RBMS3: variants seen among roughly 807,000 people sequenced by gnomAD.
RBMS3 encodes RNA binding motif single stranded interacting protein 3.
RBMS3 carries 27 observed loss-of-function variants against 66.8 expected under a neutral mutation model. That is an observed-to-expected ratio of 0.40 (90% CI 0.30 to 0.56). The LOEUF (loss-of-function observed/expected upper bound fraction) is 0.56. RBMS3 is among the 20% of genes least tolerant of loss of function. RBMS3 has a pLI of 0.40. For synonymous variants in RBMS3, 188 were observed against 183.0 expected (o/e 1.03, Z -0.22); for missense variants, 513 against 549.5 (o/e 0.93, Z 0.66).
At chr3:29,995,108 A>G (rs370346708) in intron 14 of RBMS3, among the ~76,000 whole-genome samples, 1 of 152,380 alleles carries the variant, frequency 6.6e-6, no homozygotes, top group African/African-American at 2.4e-5. Flanking sequence ...ACCAAGGCTC[A>G]AGAACTACGT....
chr3:29,374,421 C>T (rs751495053), intron 1 of RBMS3, among the ~76,000 whole-genome samples: 3 of 152,176 alleles, frequency 2.0e-5, no homozygotes, highest in Non-Finnish European at 4.4e-5. Flanking sequence ...GAAACTTACA[C>T]AGATAGTATG....
intron 4 of RBMS3, among the ~76,000 whole-genome samples, chr3:29,633,634 C>A (rs529874605): frequency 6.6e-6 from 1 of 151,728 alleles, no homozygotes; most frequent in East Asian, 2.0e-4. Context: ...CTGTTTCTAC[C>A]CTAAAAATGC....
chr3:29,668,840 A>G (rs1213388063), intron 4 of RBMS3, among the ~76,000 whole-genome samples: 1 of 152,256 alleles, frequency 6.6e-6, no homozygotes, highest in Non-Finnish European at 1.5e-5. Flanking sequence ...GTTTTGAAAG[A>G]AAATCTGAGG....
At chr3:29,905,789 A>G (rs1291213965) in intron 10 of RBMS3, among the ~76,000 whole-genome samples, 1 of 152,130 alleles carries the variant, frequency 6.6e-6, no homozygotes, top group Non-Finnish European at 1.5e-5. Flanking sequence ...ATATTTTAAG[A>G]AAGATCGTGA....
chr3:29,679,207 C>A (rs1576504781), intron 4 of RBMS3, among the ~76,000 whole-genome samples: 1 of 151,954 alleles, frequency 6.6e-6, no homozygotes, highest in East Asian at 1.9e-4. Context: ...GTTTGAAAAA[C>A]CACTGATATT....
chr3:29,951,467 TAGAGA>T (rs2149715746), intron 12 of RBMS3, among the ~76,000 whole-genome samples: 1 of 120,634 alleles, frequency 8.3e-6, no homozygotes. Flanking sequence ...TCCTTAAGAG[TAGAGA>T]GTATATAATC....
chr3:29,364,057 G>A (rs1355369954), intron 1 of RBMS3, among the ~76,000 whole-genome samples: 1 of 152,006 alleles, frequency 6.6e-6, no homozygotes, highest in Non-Finnish European at 1.5e-5. Flanking sequence ...CTTCTAGGAA[G>A]TGGAATGATA....
At chr3:29,539,770 A>G (rs1026294771) in intron 3 of RBMS3, among the ~76,000 whole-genome samples, 2 of 152,202 alleles carry the variant, frequency 1.3e-5, no homozygotes, top group African/African-American at 4.8e-5. Context: ...AGTACCCCAC[A>G]TGCACAAAGT....
chr3:29,415,221 A>C (rs1463416184), intron 1 of RBMS3, among the ~76,000 whole-genome samples: 2 of 152,200 alleles, frequency 1.3e-5, no homozygotes, highest in Non-Finnish European at 2.9e-5. Flanking sequence ...AAACAAGCAA[A>C]CTGTAGATAC....
Position 29,976,049 on chromosome 3 carries a change from A to G in RBMS3, c.1099-12094A>G, listed in dbSNP as rs144415875. On this transcript the variant is annotated intron_variant, in intron 12 of 14. Transcript: ENST00000383767. ...ATAGAAGTTTTCATTGCCTTCTCTC[A>G]TATTTCTAGTTATTTTGGTTTTTGA... 3.5e-3 allele frequency among the ~76,000 whole-genome samples: 538 copies of G among 151,868 alleles called. 2 individuals carry two copies. Among genetic ancestry groups the G allele is most frequent in the African/African-American group, 0.012 (504 of 41,478 alleles).
intron 4 of RBMS3, among the ~76,000 whole-genome samples, chr3:29,655,157 A>T (rs1360978288): frequency 6.6e-6 from 1 of 152,158 alleles, no homozygotes; most frequent in Non-Finnish European, 1.5e-5. Context: ...GCATGTGAAG[A>T]TTAATGAGGT....
At chr3:29,468,860 A>C (rs2042627303) in intron 2 of RBMS3, among the ~76,000 whole-genome samples, 1 of 152,120 alleles carries the variant, frequency 6.6e-6, no homozygotes, top group South Asian at 2.1e-4. Context: ...ATCTAAAGAA[A>C]AAGTGTTTGA....
intron 10 of RBMS3, among the ~76,000 whole-genome samples, chr3:29,932,978 T>C (rs895875481): frequency 6.6e-6 from 1 of 152,172 alleles, no homozygotes; most frequent in Non-Finnish European, 1.5e-5. Context: ...TGTTTGGTCA[T>C]TGTATTTTTT....
At chr3:29,728,392 A>C (rs964141328) in intron 4 of RBMS3, among the ~76,000 whole-genome samples, 1 of 152,132 alleles carries the variant, frequency 6.6e-6, no homozygotes, top group Non-Finnish European at 1.5e-5. Flanking sequence ...AAATGTAAAT[A>C]ATGTATATGC....
chr3:29,438,944 C>G (rs1193132961), intron 2 of RBMS3, among the ~76,000 whole-genome samples: 2 of 152,078 alleles, frequency 1.3e-5, no homozygotes, highest in Admixed American at 1.3e-4. Context: ...AAGATTAGAC[C>G]TAGTTAGGGC....
intron 4 of RBMS3, among the ~76,000 whole-genome samples, chr3:29,701,380 G>A (rs1273037941): frequency 6.6e-6 from 1 of 152,210 alleles, no homozygotes; most frequent in African/African-American, 2.4e-5. Flanking sequence ...GCAGTCTAGA[G>A]AATGACTGTT....
chr3:29,873,718 T>C (rs900509889), intron 7 of RBMS3, among the ~76,000 whole-genome samples: 3 of 152,196 alleles, frequency 2.0e-5, no homozygotes, highest in Middle Eastern at 3.2e-3. Context: ...ATGTTGACTA[T>C]GGGTTTTTCA....
At chr3:29,370,884 C>G (rs1559525506) in intron 1 of RBMS3, among the ~76,000 whole-genome samples, 1 of 152,124 alleles carries the variant, frequency 6.6e-6, no homozygotes, top group Non-Finnish European at 1.5e-5. Flanking sequence ...TGAAGTCTCC[C>G]TACATGGCAG....
At chr3:29,847,960 C>T (rs2058830309) in intron 6 of RBMS3, among the ~76,000 whole-genome samples, 1 of 152,144 alleles carries the variant, frequency 6.6e-6, no homozygotes, top group Non-Finnish European at 1.5e-5. Flanking sequence ...TTAAATGAAA[C>T]ACTGTGAACC....
Sources: allele counts gnomAD v4.1 joint callset (sites outside exome capture counted in the v4.1 genomes callset), GRCh38; gene constraint gnomAD v4.1.1; transcripts MANE v1.5; gene names NCBI Gene and HGNC (gene_info 2026-07-23, HGNC 2026-07-21).